Variants in PIGU observed in about 807,000 individuals in gnomAD.
The protein encoded by PIGU is GPI-anchor transamidase component PIGU.
A neutral mutation model predicts 49.9 loss-of-function variants in PIGU; 24 were observed. The ratio of observed to expected loss-of-function variants is 0.48; its 90% CI spans 0.35 to 0.68. The LOEUF (loss-of-function observed/expected upper bound fraction) is 0.68, where lower values mean the gene tolerates loss of function less well. Ranked by LOEUF, PIGU falls within the 30% of genes least tolerant of loss-of-function variation. The pLI is 0.01. For missense variants in PIGU, 490 were observed against 532.6 expected (o/e 0.92, Z 0.79); for synonymous variants, 220 against 205.7 (o/e 1.07, Z -0.59).
At chr20:34,597,510 T>G (rs1003077923) in intron 7 of PIGU, among the ~76,000 whole-genome samples, 1 of 152,232 alleles carries the variant, frequency 6.6e-6, no homozygotes, top group Non-Finnish European at 1.5e-5. Flanking sequence ...AGATACTTTC[T>G]GTATTTTGAG....
intron 2 of PIGU, among the ~76,000 whole-genome samples, chr20:34,647,406 C>T (rs145586450): frequency 2.2e-4 from 33 of 152,042 alleles, no homozygotes; most frequent in Middle Eastern, 3.4e-3. Flanking sequence ...GGATTACAGC[C>T]GCGCGCCACC....
At chr20:34,666,822 G>A (rs953378261) in intron 1 of PIGU, among the ~76,000 whole-genome samples, 3 of 147,452 alleles carry the variant, frequency 2.0e-5, no homozygotes, top group African/African-American at 2.5e-5. Flanking sequence ...TCAGCCTCCC[G>A]AGTAGCTGGG....
intron 7 of PIGU, among the ~76,000 whole-genome samples, chr20:34,590,837 A>G (rs532934107): frequency 2.2e-4 from 33 of 152,040 alleles, no homozygotes; most frequent in African/African-American, 8.0e-4. Flanking sequence ...CCTGGCTAAC[A>G]TGGTGAAACC....
intron 6 of PIGU, among the ~76,000 whole-genome samples, chr20:34,629,484 G>A (rs138160541): frequency 1.3e-4 from 20 of 152,282 alleles, no homozygotes; most frequent in Non-Finnish European, 2.5e-4. Context: ...CAACCATGTG[G>A]AGCAGAGCCC....
intron 1 of PIGU, among the ~76,000 whole-genome samples, chr20:34,662,975 G>T (rs995798429): frequency 6.6e-6 from 1 of 151,986 alleles, no homozygotes; most frequent in Admixed American, 6.6e-5. Context: ...AATTACAAAC[G>T]TGGCTCACTG....
In PIGU at chr20:34,599,939, C is replaced by T. The variant is rs566732964; in HGVS notation, c.628-11332G>A. On this transcript the variant is annotated intron_variant, in intron 7 of 11. Coordinates refer to ENST00000217446, the MANE Select transcript of PIGU (RefSeq NM_080476.5). The stretch of plus-strand genomic sequence containing the variant: ...AAGTATAACTTAACTAAAACTAAAA[C>T]TTCAGTTCCTCAGTCCCACTAGCAA... Among the ~76,000 whole-genome samples the T allele has an allele frequency of 2.3e-3, 355 of 152,316 alleles. 1 individual carries two copies. The highest frequency in any genetic ancestry group is 4.4e-3 in the Non-Finnish European group (300 of 68,022).
intron 7 of PIGU, among the ~76,000 whole-genome samples, chr20:34,594,948 C>T (rs1300774344): frequency 3.3e-5 from 5 of 150,046 alleles, no homozygotes; most frequent in Non-Finnish European, 5.9e-5. Context: ...AAAAATTAGC[C>T]GGGCATGGTG....
intron 2 of PIGU, among the ~76,000 whole-genome samples, chr20:34,656,782 T>C (rs907302928): frequency 6.7e-6 from 1 of 149,978 alleles, no homozygotes; most frequent in Non-Finnish European, 1.5e-5. Context: ...AAAAAAAAGC[T>C]AATTTTATGG....
intron 3 of PIGU, 103 bp from the exon 4 acceptor site, chr20:34,644,329 G>T: frequency 2.2e-6 from 2 of 894,076 alleles, no homozygotes; most frequent in Non-Finnish European, 3.6e-6. Context: ...GGACTACCAA[G>T]TACTGGACTC....
At chr20:34,580,656 T>C (rs530859057) in intron 10 of PIGU, among the ~76,000 whole-genome samples, 11 of 152,356 alleles carry the variant, frequency 7.2e-5, no homozygotes, top group South Asian at 2.1e-4. Context: ...CACTGCCTCT[T>C]TATTGGGGAG....
In PIGU at chr20:34,641,253, C is replaced by T. The variant is rs569549238; in HGVS notation, c.318+2911G>A. On this transcript the variant is annotated intron_variant, in intron 4 of 11. Transcript: ENST00000217446. Reference sequence around the variant, plus strand: ...TTTCTAATCATTGAAGCTGCATCTACGTTCATTTGCATCCCCAAAAACTAT... The same window carrying T: ...TTTCTAATCATTGAAGCTGCATCTATGTTCATTTGCATCCCCAAAAACTAT... Among the ~76,000 whole-genome samples, 4 of 152,258 alleles carry T rather than the reference C, an allele frequency of 2.6e-5. No homozygotes were observed. The South Asian group carries it at 6.2e-4, about 24-fold the overall frequency.
At chr20:34,572,884 T>C (rs1449066064) in intron 11 of PIGU, among the ~76,000 whole-genome samples, 2 of 152,238 alleles carry the variant, frequency 1.3e-5, no homozygotes, top group South Asian at 2.1e-4. Flanking sequence ...CCTGTGTCTA[T>C]AGCTGTCTAT....
Position 34,634,273 on chromosome 20 carries a change from T to G in PIGU, c.529+342A>C, listed in dbSNP as rs112547491. 1.9e-3 allele frequency among the ~76,000 whole-genome samples: 294 copies of G among 152,172 alleles called. 2 individuals carry two copies. Among genetic ancestry groups the G allele is most frequent in the African/African-American group, 6.1e-3 (255 of 41,538 alleles). ...GTTTTGCAGAGACAAGCTCTTGCTA[T>G]GTTCCCCAGGCTGGTCTTAATCTTC... is the stretch of plus-strand genomic sequence containing the variant. On this transcript the variant is annotated intron_variant, in intron 6 of 11. Coordinates refer to ENST00000217446, the MANE Select transcript of PIGU (RefSeq NM_080476.5).
At chr20:34,570,175 G>T (rs1982944772) in intron 11 of PIGU, among the ~76,000 whole-genome samples, 2 of 152,298 alleles carry the variant, frequency 1.3e-5, no homozygotes, top group South Asian at 4.1e-4. Flanking sequence ...TCACATATGA[G>T]CAAGGAAAGT....
chr20:34,623,855 G>C (rs1413017405), intron 6 of PIGU, among the ~76,000 whole-genome samples: 1 of 152,108 alleles, frequency 6.6e-6, no homozygotes, highest in African/African-American at 2.4e-5. Context: ...TTTGAAGTTG[G>C]GTTGACCTGA....
At chr20:34,611,880 G>A (rs1165443268) in intron 7 of PIGU, among the ~76,000 whole-genome samples, 2 of 152,080 alleles carry the variant, frequency 1.3e-5, no homozygotes, top group Non-Finnish European at 2.9e-5. Context: ...GCAAGGATGC[G>A]GAAAAATAGG....
chr20:34,598,847 A>C (rs1414686250), intron 7 of PIGU, among the ~76,000 whole-genome samples: 1 of 152,192 alleles, frequency 6.6e-6, no homozygotes, highest in Non-Finnish European at 1.5e-5. Flanking sequence ...TCTTCATGCA[A>C]GCATAGGAAT....
intron 11 of PIGU, among the ~76,000 whole-genome samples, chr20:34,562,003 A>G (rs1485429108): frequency 6.6e-6 from 1 of 152,144 alleles, no homozygotes; most frequent in Non-Finnish European, 1.5e-5. Flanking sequence ...TGGTTCTGTC[A>G]CTATGGTATT....
At chr20:34,591,443 C>A (rs1398796921) in intron 7 of PIGU, among the ~76,000 whole-genome samples, 2 of 152,088 alleles carry the variant, frequency 1.3e-5, no homozygotes, top group African/African-American at 4.8e-5. Flanking sequence ...GAGCAGGGCA[C>A]CTAATAACTA....
Sources: gnomAD v4.1 joint callset for allele counts (sites outside exome capture counted in the v4.1 genomes callset) on GRCh38, gnomAD v4.1.1 for gene constraint, MANE v1.5 for transcripts, NCBI Gene and HGNC (gene_info 2026-07-23, HGNC 2026-07-21) for gene names.